CNTNAP2: variants seen among roughly 807,000 people sequenced by gnomAD.
CNTNAP2 encodes the protein contactin associated protein 2.
A neutral mutation model predicts 155.2 loss-of-function variants in CNTNAP2; 98 were observed. The observed-to-expected ratio is 0.63, with a 90% CI of 0.54 to 0.75. The LOEUF (loss-of-function observed/expected upper bound fraction) is 0.75. Ranked by LOEUF, CNTNAP2 falls within the 30% of genes least tolerant of loss-of-function variation. The pLI is 0.00. For synonymous variants in CNTNAP2, 651 were observed against 631.2 expected, an observed-to-expected ratio of 1.03 and a Z score of -0.47; for missense variants, 1,727 against 1,688.1, an observed-to-expected ratio of 1.02 and a Z score of -0.40.
At chr7:147,915,919 A>G (rs963009181) in intron 14 of CNTNAP2, among the ~76,000 whole-genome samples, 5 of 152,178 alleles carry the variant, frequency 3.3e-5, no homozygotes, top group African/African-American at 1.2e-4. Context: ...TACTTGGCAG[A>G]TTTGAGCTAT....
intron 1 of CNTNAP2, among the ~76,000 whole-genome samples, chr7:146,573,267 C>G (rs566280011): frequency 6.6e-6 from 1 of 152,016 alleles, no homozygotes; most frequent in African/African-American, 2.4e-5. Flanking sequence ...CTCAGCCTCC[C>G]AAGTAGCTGG....
chr7:146,837,728 T>G (rs954993590), intron 2 of CNTNAP2, among the ~76,000 whole-genome samples: 4 of 152,186 alleles, frequency 2.6e-5, no homozygotes, highest in African/African-American at 7.2e-5. Flanking sequence ...TAATTTTTGG[T>G]CAGATTTATC....
chr7:147,248,503 T>C (rs1253442640), intron 8 of CNTNAP2, among the ~76,000 whole-genome samples: 3 of 152,216 alleles, frequency 2.0e-5, no homozygotes, highest in African/African-American at 7.2e-5. Context: ...ATTTTCTCCA[T>C]CCAGCTATTT....
chr7:148,357,442 C>A (rs1798538529), intron 21 of CNTNAP2, among the ~76,000 whole-genome samples: 1 of 152,170 alleles, frequency 6.6e-6, no homozygotes, highest in Non-Finnish European at 1.5e-5. Flanking sequence ...TCATTGATTT[C>A]TTGGTTTTGT....
chr7:147,166,266 T>C (rs1250120777), intron 8 of CNTNAP2, among the ~76,000 whole-genome samples: 1 of 152,312 alleles, frequency 6.6e-6, no homozygotes, highest in South Asian at 2.1e-4. Context: ...CTGGAGACTA[T>C]TATTCTAAGT....
chr7:146,794,079 C>G (rs561136137), intron 2 of CNTNAP2, among the ~76,000 whole-genome samples: 1 of 152,220 alleles, frequency 6.6e-6, no homozygotes, highest in East Asian at 1.9e-4. Context: ...GAAAGCAAAT[C>G]CCTTTTGATG....
chr7:147,368,412 G>A (rs924084537), intron 9 of CNTNAP2, among the ~76,000 whole-genome samples: 1 of 152,100 alleles, frequency 6.6e-6, no homozygotes, highest in Non-Finnish European at 1.5e-5. Flanking sequence ...GGCAAGCCTG[G>A]AAACTTGCTT....
chr7:146,932,708 C>G (rs548444993), intron 3 of CNTNAP2, among the ~76,000 whole-genome samples: 1 of 152,286 alleles, frequency 6.6e-6, no homozygotes, highest in East Asian at 1.9e-4. Context: ...AGCCCAAAAT[C>G]TCCTTAAGCT....
chr7:146,291,811 A>G (rs1020321975), intron 1 of CNTNAP2, among the ~76,000 whole-genome samples: 9 of 152,206 alleles, frequency 5.9e-5, no homozygotes, highest in Non-Finnish European at 1.2e-4. Context: ...TATGAGGTAT[A>G]AGTCTGGGCA....
chr7:148,016,550 C>T (rs1259411807), intron 15 of CNTNAP2, among the ~76,000 whole-genome samples: 1 of 152,234 alleles, frequency 6.6e-6, no homozygotes, highest in Non-Finnish European at 1.5e-5. Context: ...TGAAAGAAGA[C>T]AGCAAAATCA....
chr7:147,783,275 G>C (rs976752215), intron 13 of CNTNAP2, among the ~76,000 whole-genome samples: 5 of 152,228 alleles, frequency 3.3e-5, no homozygotes, highest in Middle Eastern at 3.4e-3. Context: ...TCAAATTGTA[G>C]GCTTTTCTGA....
chr7:147,149,683 C>G (rs1801786244), intron 8 of CNTNAP2, among the ~76,000 whole-genome samples: 1 of 151,974 alleles, frequency 6.6e-6, no homozygotes, highest in African/African-American at 2.4e-5. Flanking sequence ...AGATCTCTAT[C>G]TACTGTGTGG....
At chr7:147,441,678 G>GT (rs770887732) in intron 10 of CNTNAP2, among the ~76,000 whole-genome samples, 11 of 152,092 alleles carry the variant, frequency 7.2e-5, no homozygotes, top group Admixed American at 3.3e-4. Flanking sequence ...GAGCACCCCA[G>GT]TAACACTATG....
intron 13 of CNTNAP2, among the ~76,000 whole-genome samples, chr7:147,644,776 G>T (rs560310495): frequency 1.3e-5 from 2 of 152,076 alleles, no homozygotes; most frequent in Non-Finnish European, 2.9e-5. Flanking sequence ...CTATTATGCT[G>T]CCATTAAAAT....
chr7:147,470,907 G>A (rs1798205520), intron 10 of CNTNAP2, among the ~76,000 whole-genome samples: 1 of 152,052 alleles, frequency 6.6e-6, no homozygotes, highest in African/African-American at 2.4e-5. Context: ...CGAGCTCGGG[G>A]GCACACCGAT....
At chr7:147,216,156 CT>C (rs1024536096) in intron 8 of CNTNAP2, among the ~76,000 whole-genome samples, 1 of 150,282 alleles carries the variant, frequency 6.7e-6, no homozygotes, top group Non-Finnish European at 1.5e-5. Context: ...TCTTTATAGT[CT>C]TTTGGCAAAG....
intron 21 of CNTNAP2, among the ~76,000 whole-genome samples, chr7:148,356,225 T>TAA (rs141371066): frequency 0.036 from 5,479 of 152,114 alleles, 101 homozygotes; most frequent in African/African-American, 0.048. Flanking sequence ...TTTTAAAATA[T>TAA]AAAAAAAAGA....
intron 3 of CNTNAP2, among the ~76,000 whole-genome samples, chr7:146,913,816 C>T (rs370148891): frequency 5.3e-5 from 8 of 151,292 alleles, no homozygotes; most frequent in Non-Finnish European, 1.2e-4. Context: ...TGAACAAGTT[C>T]TTTAGTGGTG....
In CNTNAP2 at chr7:147,326,628, C is replaced by T. The variant is rs556110607; in HGVS notation, c.1498+26338C>T. On this transcript the variant is annotated intron_variant, in intron 9 of 23. Transcript: ENST00000361727. ...CTTCACTGTTTCCACAGCAATGACA[C>T]GATTTTACATCCCACTAGCAGTGTA... is the stretch of plus-strand genomic sequence containing the variant. Among the ~76,000 whole-genome samples the T allele has an allele frequency of 9.2e-5, 14 of 152,290 alleles. No homozygotes were observed. The South Asian group carries it at 2.1e-3, about 23-fold the overall frequency.
Sources: gnomAD v4.1 joint callset for allele counts (sites outside exome capture counted in the v4.1 genomes callset) on GRCh38, gnomAD v4.1.1 for gene constraint, MANE v1.5 for transcripts, NCBI Gene and HGNC (gene_info 2026-07-23, HGNC 2026-07-21) for gene names.